Variants in TRERF1 observed in about 807,000 individuals in gnomAD.
The protein encoded by TRERF1 is transcriptional-regulating factor 1.
Under a neutral mutation model 122.9 loss-of-function variants are expected in TRERF1, and 27 were observed. The observed-to-expected ratio is 0.22, with a 90% CI of 0.16 to 0.30. TRERF1 has a LOEUF of 0.30. Ranked by LOEUF, TRERF1 falls within the 10% of genes least tolerant of loss-of-function variation. The probability of loss-of-function intolerance (pLI) is 1.00; values close to 1 mark genes in which losing one functional copy is unlikely to be tolerated. For missense variants in TRERF1, 1,248 were observed against 1,560.3 expected (o/e 0.80, Z 3.37); for synonymous variants, 636 against 641.7 (o/e 0.99, Z 0.13).
At chr6:42,336,422 A>G (rs1315551640) in intron 3 of TRERF1, among the ~76,000 whole-genome samples, 1 of 152,086 alleles carries the variant, frequency 6.6e-6, no homozygotes, top group South Asian at 2.1e-4. Context: ...ACAGCCTCTG[A>G]GATCATCATA....
At chr6:42,358,677 A>C (rs1449589700) in intron 3 of TRERF1, among the ~76,000 whole-genome samples, 2 of 152,192 alleles carry the variant, frequency 1.3e-5, no homozygotes. Flanking sequence ...CTTTGGCATC[A>C]AGATGGTTTT....
chr6:42,443,673 T>G (rs966242369), intron 2 of TRERF1, among the ~76,000 whole-genome samples: 3 of 152,306 alleles, frequency 2.0e-5, no homozygotes, highest in African/African-American at 7.2e-5. Context: ...GAACCTGTAT[T>G]GACTGGCACT....
At chr6:42,394,150 C>A (rs1462356768) in intron 2 of TRERF1, among the ~76,000 whole-genome samples, 2 of 152,114 alleles carry the variant, frequency 1.3e-5, no homozygotes, top group Admixed American at 6.5e-5. Flanking sequence ...CAGGAAGACA[C>A]CCCTCTAGGG....
rs537896253 is a variant in TRERF1 at position 42,280,751 on chromosome 6, G to A, written c.-258-10903C>T. On this transcript the variant is annotated intron_variant, in intron 4 of 17. Coordinates refer to ENST00000372922, the Ensembl canonical transcript of TRERF1. ...AGGAGGCTGCTGAGGGCGGGGAAAG[G>A]AAGGAGTGAGGGAGGAGGCCTGGAA... is the stretch of plus-strand genomic sequence containing the variant. Among the ~76,000 whole-genome samples, 116 of 152,264 alleles carry A rather than the reference G, an allele frequency of 7.6e-4. No individual in the cohort carries two copies. In the Middle Eastern group the frequency reaches 0.01, roughly 13 times the overall value.
intron 6 of TRERF1, 148 bp from the exon 7 acceptor site, chr6:42,265,002 C>G: frequency 1.2e-6 from 1 of 838,988 alleles, no homozygotes; most frequent in Middle Eastern, 3.1e-4. Flanking sequence ...CACCCCAGTG[C>G]CCTTTAGAGA....
At chr6:42,348,151 CCTGTAATGCAAGTCAGTGTGCACGT>C (rs1426084103) in intron 3 of TRERF1, among the ~76,000 whole-genome samples, 5 of 152,114 alleles carry the variant, frequency 3.3e-5, no homozygotes, top group African/African-American at 9.7e-5. Context: ...CATACTTAAC[CCTGTAATGCAAGTCAGTGTGCACGT>C]CTGTATAAAC....
At chr6:42,383,398 C>T (rs1034171052) in intron 2 of TRERF1, among the ~76,000 whole-genome samples, 5 of 152,096 alleles carry the variant, frequency 3.3e-5, no homozygotes, top group Admixed American at 3.3e-4. Context: ...AATGCAAACA[C>T]TCCGTGCTCT....
At position 42,439,601 on chromosome 6, in the gene TRERF1, TAAAC is replaced by T. The variant is rs529018817; in HGVS notation, c.-454+11572_-454+11575del. Among the ~76,000 whole-genome samples the T allele has an allele frequency of 2.5e-4, 38 of 151,996 alleles. No homozygotes were observed. In the East Asian group the frequency reaches 5.6e-3, roughly 23 times the overall value. On this transcript the variant is annotated intron_variant, in intron 2 of 17. Transcript: ENST00000372922. Reference sequence around the variant, plus strand: ...TCTGTCTCAAAAATAGATCAATAGATAAACAAATAAGACTCCAAAACAAACAAAC... The same window carrying T: ...TCTGTCTCAAAAATAGATCAATAGATAAATAAGACTCCAAAACAAACAAAC...
intron 2 of TRERF1, among the ~76,000 whole-genome samples, chr6:42,381,678 A>G (rs1298858555): frequency 1.3e-5 from 2 of 151,664 alleles, no homozygotes. Flanking sequence ...CCCATCTCAG[A>G]GAGGCAGGGC....
chr6:42,286,412 C>T (rs1783227227), intron 4 of TRERF1, among the ~76,000 whole-genome samples: 18 of 139,206 alleles, frequency 1.3e-4, no homozygotes, highest in African/African-American at 4.7e-4. Flanking sequence ...GGCTAATATC[C>T]AGAATCTACA....
rs73422437 is a variant in TRERF1, at chr6:42,246,673, G to A, written c.2657-129C>T. 8.3e-3 allele frequency: 4,843 copies of A among 580,870 alleles called. 192 individuals carry two copies. Among genetic ancestry groups the A allele is most frequent in the African/African-American group, 0.082 (4,237 of 51,716 alleles). The allele number at this position is 580,870 out of a possible 1,614,324, so 36.0% of individuals were successfully genotyped here. The stretch of plus-strand genomic sequence containing the variant: ...TATAATACATATCAAACTCCCATTT[G>A]AACAAAAAGATAGTGTGATATAATG... On this transcript the variant is annotated intron_variant, in intron 13 of 17. Coordinates refer to ENST00000372922, the Ensembl canonical transcript of TRERF1.
rs149560484 is a variant in TRERF1 at position 42,276,054 on chromosome 6, G to A, written c.-258-6206C>T. ...AAAAATCCTTCTTCACTCACAGGCAGTACAAGAATAGGTGTGGGCTGGATC... is the reference window on the plus strand; with the variant it reads ...AAAAATCCTTCTTCACTCACAGGCAATACAAGAATAGGTGTGGGCTGGATC... On this transcript the variant is annotated intron_variant, in intron 4 of 17. Transcript: ENST00000372922. This position sits in a 1 kb window ranked among gnomAD's most constrained non-coding sequence, Gnocchi z 4.3. Among the ~76,000 whole-genome samples, 341 of 152,310 alleles carry A rather than the reference G, an allele frequency of 2.2e-3. 3 individuals are homozygous for A. Among genetic ancestry groups the A allele is most frequent in the African/African-American group, 7.9e-3 (328 of 41,562 alleles).
At chr6:42,296,152 C>T (rs1470554255) in intron 4 of TRERF1, among the ~76,000 whole-genome samples, 1 of 152,134 alleles carries the variant, frequency 6.6e-6, no homozygotes, top group Non-Finnish European at 1.5e-5. Context: ...AGCGGGAGGG[C>T]CAAGATATGG....
At chr6:42,352,937 T>A (rs1480892268) in intron 3 of TRERF1, among the ~76,000 whole-genome samples, 1 of 152,174 alleles carries the variant, frequency 6.6e-6, no homozygotes, top group Non-Finnish European at 1.5e-5. Context: ...TCATATACAC[T>A]GAAAAAAGGA....
At chr6:42,348,695 G>A (rs891309002) in intron 3 of TRERF1, among the ~76,000 whole-genome samples, 8 of 152,302 alleles carry the variant, frequency 5.3e-5, no homozygotes, top group African/African-American at 1.9e-4. Flanking sequence ...GACCACATTG[G>A]TTTTTGCTAT....
chr6:42,227,357 G>C (rs549368169), exon 18 of TRERF1: 1 of 152,230 alleles, frequency 6.6e-6, no homozygotes, highest in Non-Finnish European at 1.5e-5. Context: ...CGGTTTCACA[G>C]TACTTCCAAG....
chr6:42,250,992 CTTTTTTTT>C (rs70987586), intron 13 of TRERF1, among the ~76,000 whole-genome samples: 1 of 97,602 alleles, frequency 1.0e-5, no homozygotes, highest in Non-Finnish European at 2.0e-5. Flanking sequence ...TCTTTTGCTT[CTTTTTTTT>C]TTTTTTTTTT....
At chr6:42,403,251 G>A (rs184013603) in intron 2 of TRERF1, among the ~76,000 whole-genome samples, 21 of 152,114 alleles carry the variant, frequency 1.4e-4, no homozygotes, top group Admixed American at 5.9e-4. Context: ...AAAAATTCAC[G>A]GCCACCTGGA....
At chr6:42,383,103 C>T (rs1218837505) in intron 2 of TRERF1, among the ~76,000 whole-genome samples, 1 of 152,112 alleles carries the variant, frequency 6.6e-6, no homozygotes, top group African/African-American at 2.4e-5. Context: ...CAGCTGTAGT[C>T]CCAGCTACTA....
Sources: allele counts gnomAD v4.1 joint callset (sites outside exome capture counted in the v4.1 genomes callset), GRCh38; gene constraint gnomAD v4.1.1; non-coding constraint Gnocchi (gnomAD v3.1); transcripts MANE v1.5; gene names NCBI Gene and HGNC (gene_info 2026-07-23, HGNC 2026-07-21).